BMAL2: variants seen among roughly 807,000 people sequenced by gnomAD.
The protein encoded by BMAL2 is basic helix-loop-helix ARNT like 2, also known as basic helix-loop-helix ARNT-like protein 2.
the BMAL2 span, among the ~76,000 whole-genome samples, chr12:27,355,279 C>CT: frequency 2.6e-5 from 4 of 152,156 alleles, no homozygotes; most frequent in Admixed American, 6.6e-5. Context: ...TGGGTCTTCT[C>CT]TTTTTTAACA....
the BMAL2 span, chr12:27,418,275 A>T: frequency 1.1e-6 from 1 of 943,854 alleles, no homozygotes; most frequent in Non-Finnish European, 1.6e-6. Context: ...CAGGCACAGG[A>T]AATTTGTAGA....
the BMAL2 span, among the ~76,000 whole-genome samples, chr12:27,394,021 T>C: frequency 6.6e-6 from 1 of 152,160 alleles, no homozygotes; most frequent in Admixed American, 6.5e-5. Flanking sequence ...AGCCTCAAAC[T>C]CCTGGGCTCA....
the BMAL2 span, chr12:27,401,308 T>C: frequency 6.2e-7 from 1 of 1,614,170 alleles, no homozygotes; most frequent in South Asian, 1.1e-5. Context: ...GAACTTCTTG[T>C]TATGAATATT....
chr12:27,376,530 T>C, the BMAL2 span: 3 of 632,038 alleles, frequency 4.7e-6, no homozygotes, highest in Non-Finnish European at 7.9e-6. Flanking sequence ...GAAGCAATGT[T>C]ATCAGGCACC....
At chr12:27,376,687 G>A in the BMAL2 span, among the ~76,000 whole-genome samples, 2 of 152,062 alleles carry the variant, frequency 1.3e-5, no homozygotes, top group Admixed American at 6.5e-5. Flanking sequence ...AGTTACTTAT[G>A]AGGGGCATCT....
the BMAL2 span, among the ~76,000 whole-genome samples, chr12:27,394,126 C>T: frequency 6.6e-6 from 1 of 152,082 alleles, no homozygotes; most frequent in African/African-American, 2.4e-5. Context: ...GAGATGGGGT[C>T]TGACTATATT....
the BMAL2 span, chr12:27,333,023 C>A: frequency 8.4e-7 from 1 of 1,184,574 alleles, no homozygotes; most frequent in Non-Finnish European, 1.0e-6. Context: ...CCCGGGGCTC[C>A]TCCATGCTGC....
chr12:27,411,121 A>T, the BMAL2 span, among the ~76,000 whole-genome samples: 1 of 152,044 alleles, frequency 6.6e-6, no homozygotes, highest in African/African-American at 2.4e-5. Context: ...CAGAATAGTT[A>T]TTGTGTTTTT....
the BMAL2 span, among the ~76,000 whole-genome samples, chr12:27,364,821 A>G: frequency 6.6e-6 from 1 of 152,150 alleles, no homozygotes; most frequent in East Asian, 1.9e-4. Flanking sequence ...TGTTTTAAAT[A>G]AAGTTTTAGT....
chr12:27,345,057 A>G, the BMAL2 span, among the ~76,000 whole-genome samples: 1 of 152,208 alleles, frequency 6.6e-6, no homozygotes, highest in Non-Finnish European at 1.5e-5. Context: ...TTCTGCCTCA[A>G]ACTCTTTTAA....
the BMAL2 span, chr12:27,390,054 T>C: frequency 1.9e-6 from 3 of 1,596,446 alleles, no homozygotes; most frequent in Non-Finnish European, 2.6e-6. Context: ...TATTTGACAA[T>C]ATTCTTTTCC....
the BMAL2 span, among the ~76,000 whole-genome samples, chr12:27,379,521 G>T: frequency 5.9e-5 from 9 of 152,172 alleles, no homozygotes; most frequent in Non-Finnish European, 1.2e-4. Flanking sequence ...GAACCGAGCA[G>T]GGAGAGTGGA....
chr12:27,396,228 G>T, the BMAL2 span, among the ~76,000 whole-genome samples: 1 of 152,172 alleles, frequency 6.6e-6, no homozygotes, highest in African/African-American at 2.4e-5. Flanking sequence ...AGGATCACCC[G>T]TGGCTCATGC....
the BMAL2 span, among the ~76,000 whole-genome samples, chr12:27,346,009 A>G: frequency 6.6e-6 from 1 of 152,350 alleles, no homozygotes; most frequent in Non-Finnish European, 1.5e-5. Context: ...ATTAGCCAGA[A>G]AACCTTTCAC....
At chr12:27,398,929 T>C in the BMAL2 span, among the ~76,000 whole-genome samples, 1 of 152,204 alleles carries the variant, frequency 6.6e-6, no homozygotes, top group Non-Finnish European at 1.5e-5. Flanking sequence ...ACTTACTCAA[T>C]TTTAATTCCT....
chr12:27,379,331 G>C, the BMAL2 span, among the ~76,000 whole-genome samples: 1 of 152,200 alleles, frequency 6.6e-6, no homozygotes, highest in South Asian at 2.1e-4. Context: ...GGAACTGAGT[G>C]AAGTATGAAT....
chr12:27,357,791 G>T, the BMAL2 span, among the ~76,000 whole-genome samples: 14 of 152,242 alleles, frequency 9.2e-5, no homozygotes, highest in Non-Finnish European at 1.5e-4. Flanking sequence ...AAATGGTGCT[G>T]ATATAATTGG....
At chr12:27,392,334 T>G in the BMAL2 span, among the ~76,000 whole-genome samples, 1 of 152,146 alleles carries the variant, frequency 6.6e-6, no homozygotes, top group Non-Finnish European at 1.5e-5. Flanking sequence ...CAAACACTAT[T>G]GGAAATAGTC....
the BMAL2 span, among the ~76,000 whole-genome samples, chr12:27,387,945 G>A: frequency 1.3e-5 from 2 of 152,154 alleles, no homozygotes; most frequent in African/African-American, 4.8e-5. Context: ...GAGATAATGA[G>A]TTAAATAACA....
Sources: gnomAD v4.1 joint callset for allele counts (sites outside exome capture counted in the v4.1 genomes callset) on GRCh38, gnomAD v4.1.1 for gene constraint, MANE v1.5 for transcripts, NCBI Gene and HGNC (gene_info 2026-07-23, HGNC 2026-07-21) for gene names.